ENPP2: variants seen among roughly 807,000 people sequenced by gnomAD.
ENPP2 encodes the protein ectonucleotide pyrophosphatase/phosphodiesterase 2.
Under a neutral mutation model 120.2 loss-of-function variants are expected in ENPP2, and 51 were observed. The ratio of observed to expected loss-of-function variants is 0.42; its 90% CI spans 0.34 to 0.54. The LOEUF (loss-of-function observed/expected upper bound fraction) is 0.54. ENPP2 is among the 20% of genes least tolerant of loss of function. The pLI, the probability that ENPP2 is intolerant of heterozygous loss-of-function variation, is 0.04. For synonymous variants in ENPP2, 365 were observed against 366.4 expected, an observed-to-expected ratio of 1.00 and a Z score of 0.04; for missense variants, 920 against 1,066.5, an observed-to-expected ratio of 0.86 and a Z score of 1.91.
chr8:119,629,225 C>T (rs761767417), intron 2 of ENPP2, among the ~76,000 whole-genome samples: 5 of 151,334 alleles, frequency 3.3e-5, no homozygotes, highest in African/African-American at 4.9e-5. Context: ...TATATATGTA[C>T]AAAATATATA....
At chr8:119,650,428 T>C (rs911822047) in intron 1 of ENPP2, among the ~76,000 whole-genome samples, 1 of 152,116 alleles carries the variant, frequency 6.6e-6, no homozygotes, top group African/African-American at 2.4e-5. Context: ...GTAAATATAT[T>C]TAAAACCACT....
intron 1 of ENPP2, among the ~76,000 whole-genome samples, chr8:119,661,001 G>A (rs1279603399): frequency 6.6e-6 from 1 of 152,214 alleles, no homozygotes; most frequent in South Asian, 2.1e-4. Context: ...ATATACAATA[G>A]CAAGAAAACA....
At chr8:119,634,251 A>C (rs2130820395) in intron 2 of ENPP2, among the ~76,000 whole-genome samples, 1 of 152,104 alleles carries the variant, frequency 6.6e-6, no homozygotes, top group South Asian at 2.1e-4. Flanking sequence ...CCTCATATAG[A>C]GCTCACAAAC....
intron 9 of ENPP2, among the ~76,000 whole-genome samples, chr8:119,605,810 T>A (rs1027240437): frequency 6.6e-6 from 1 of 152,108 alleles, no homozygotes; most frequent in African/African-American, 2.4e-5. Context: ...CATGGATTTG[T>A]TGAGAGATTA....
chr8:119,581,279 A>AAAG (rs978654001), intron 18 of ENPP2, among the ~76,000 whole-genome samples: 5 of 151,648 alleles, frequency 3.3e-5, no homozygotes, highest in Non-Finnish European at 5.9e-5. Context: ...AAAAAAAAAA[A>AAAG]AAAAGAAAAC....
chr8:119,564,736 T>C, intron 23 of ENPP2, 87 bp downstream of exon 23: 1 of 1,152,806 alleles, frequency 8.7e-7, no homozygotes, highest in Non-Finnish European at 1.2e-6. Context: ...GTGTCATCTC[T>C]TCTCTAGTAT....
intron 2 of ENPP2, among the ~76,000 whole-genome samples, chr8:119,630,212 G>C (rs1303873249): frequency 2.0e-5 from 3 of 151,796 alleles, no homozygotes; most frequent in African/African-American, 2.4e-5. Flanking sequence ...GGGTTCAAAG[G>C]GTTCTCCTGC....
chr8:119,575,928 C>T (rs1812302635), intron 19 of ENPP2, among the ~76,000 whole-genome samples: 1 of 152,078 alleles, frequency 6.6e-6, no homozygotes, highest in Non-Finnish European at 1.5e-5. Context: ...CAAGTATTCC[C>T]AAAAACACAC....
chr8:119,608,057 T>C, intron 8 of ENPP2, 80 bp from the exon 9 acceptor site: 1 of 882,570 alleles, frequency 1.1e-6, no homozygotes, highest in Non-Finnish European at 1.8e-6. Context: ...ATACATTAGA[T>C]CAGATATCTT....
intron 24 of ENPP2, among the ~76,000 whole-genome samples, chr8:119,561,886 C>T (rs970138868): frequency 6.6e-6 from 1 of 152,112 alleles, no homozygotes; most frequent in Non-Finnish European, 1.5e-5. Flanking sequence ...CGCCTGTAAT[C>T]CCAGCACTTT....
intron 20 of ENPP2, among the ~76,000 whole-genome samples, chr8:119,569,738 T>TGTGTGTG (rs1814799066): frequency 2.2e-5 from 2 of 90,760 alleles, no homozygotes; most frequent in African/African-American, 4.8e-5. Flanking sequence ...AATAGACTAT[T>TGTGTGTG]TATCTGTGTG....
intron 18 of ENPP2, among the ~76,000 whole-genome samples, chr8:119,581,265 C>CAAAAAA (rs5894487): frequency 2.7e-5 from 3 of 111,784 alleles, no homozygotes; most frequent in Non-Finnish European, 3.8e-5. Context: ...GACTCCATCT[C>CAAAAAA]AAAAAAAAAA....
intron 1 of ENPP2, among the ~76,000 whole-genome samples, chr8:119,668,784 T>C (rs1417651953): frequency 6.6e-6 from 1 of 152,180 alleles, no homozygotes; most frequent in Non-Finnish European, 1.5e-5. Flanking sequence ...TCACTATTGA[T>C]TTTATCATCC....
At chr8:119,595,592 T>C (rs1222409270) in intron 11 of ENPP2, among the ~76,000 whole-genome samples, 1 of 152,180 alleles carries the variant, frequency 6.6e-6, no homozygotes, top group East Asian at 1.9e-4. Flanking sequence ...CCAGCCTAAA[T>C]GTTAATACTA....
At chr8:119,577,724 T>C (rs370532648) in intron 19 of ENPP2, among the ~76,000 whole-genome samples, 6 of 152,336 alleles carry the variant, frequency 3.9e-5, no homozygotes, top group Middle Eastern at 3.4e-3. Context: ...GCCACCACTT[T>C]GAAGCCATGA....
At chr8:119,666,881 G>A (rs1286866363) in intron 1 of ENPP2, among the ~76,000 whole-genome samples, 1 of 152,132 alleles carries the variant, frequency 6.6e-6, no homozygotes, top group Admixed American at 6.5e-5. Context: ...GAGAGGAAGG[G>A]TATTCCTGAC....
intron 9 of ENPP2, among the ~76,000 whole-genome samples, chr8:119,605,430 A>G (rs11991811): frequency 0.49 from 64,805 of 133,204 alleles, 15,870 homozygotes; most frequent in South Asian, 0.69. Flanking sequence ...GATACCATAT[A>G]TGTGTGTGTG....
At chr8:119,603,105 T>C (rs1814433042) in intron 9 of ENPP2, among the ~76,000 whole-genome samples, 1 of 152,186 alleles carries the variant, frequency 6.6e-6, no homozygotes, top group Non-Finnish European at 1.5e-5. Context: ...CTATATCCTA[T>C]AATTGAATTA....
chr8:119,671,692 C>T (rs1327015767), intron 1 of ENPP2, among the ~76,000 whole-genome samples: 3 of 152,122 alleles, frequency 2.0e-5, no homozygotes, highest in African/African-American at 7.2e-5. Context: ...CTCTATGGAA[C>T]ATCAAAGTAG....
Sources: allele counts gnomAD v4.1 joint callset (sites outside exome capture counted in the v4.1 genomes callset), GRCh38; gene constraint gnomAD v4.1.1; transcripts MANE v1.5; gene names NCBI Gene and HGNC (gene_info 2026-07-23, HGNC 2026-07-21).